The following PRKX variants were observed in gnomAD, a reference collection of about 807,000 sequenced individuals.
PRKX encodes the protein cAMP-dependent protein kinase catalytic subunit PRKX.
Under a neutral mutation model 22.0 loss-of-function variants are expected in PRKX, and 12 were observed. The observed-to-expected ratio is 0.54, with a 90% confidence interval of 0.35 to 0.88. The LOEUF is 0.88. Ranked by LOEUF, PRKX falls within the 40% of genes least tolerant of loss-of-function variation. The pLI is 0.01. For missense variants in PRKX, 217 were observed against 308.0 expected, an observed-to-expected ratio of 0.70 and a Z score of 2.21; for synonymous variants, 134 against 137.7, an observed-to-expected ratio of 0.97 and a Z score of 0.19.
chrX:3,708,227 A>C (rs1301695207), intron 1 of PRKX, among the ~76,000 whole-genome samples: 2 of 111,414 alleles, frequency 1.8e-5, no homozygotes, highest in African/African-American at 3.3e-5. Flanking sequence ...GGCACCATCT[A>C]TGAACCAGGA....
At chrX:3,688,651 C>T (rs1160553882) in intron 1 of PRKX, among the ~76,000 whole-genome samples, 1 of 110,151 alleles carries the variant, frequency 9.1e-6, no homozygotes, top group African/African-American at 3.3e-5. Context: ...TCACTTGAGC[C>T]CAGGAGATCG....
intron 4 of PRKX, among the ~76,000 whole-genome samples, chrX:3,637,141 G>A (rs1926908170): frequency 9.3e-6 from 1 of 107,803 alleles, no homozygotes; most frequent in African/African-American, 3.4e-5. Context: ...GGAAGGAAAG[G>A]AAAGGGAAAA....
At chrX:3,646,641 G>A (rs948487262) in intron 3 of PRKX, among the ~76,000 whole-genome samples, 6 of 111,519 alleles carry the variant, frequency 5.4e-5, no homozygotes, top group African/African-American at 1.6e-4. Context: ...ATAGGATCTT[G>A]GGTTGCAATA....
At chrX:3,669,316 CTCCA>C (rs55930956) in intron 2 of PRKX, among the ~76,000 whole-genome samples, 45,438 of 102,495 alleles carry the variant, frequency 0.44, 8,349 homozygotes, top group African/African-American at 0.6. Flanking sequence ...CAATGTTGAT[CTCCA>C]TCCATCCATC....
chrX:3,645,671 G>A (rs188511152), intron 3 of PRKX, among the ~76,000 whole-genome samples: 1 of 112,728 alleles, frequency 8.9e-6, no homozygotes, highest in Non-Finnish European at 1.9e-5. Context: ...AGTGGCTCAT[G>A]CCTATAATCT....
chrX:3,690,300 C>A (rs144235942), intron 1 of PRKX, among the ~76,000 whole-genome samples: 1 of 112,084 alleles, frequency 8.9e-6, no homozygotes, highest in African/African-American at 3.2e-5. Context: ...CTGGTCTAGA[C>A]AGTTGGAAAC....
Position 3,653,103 on chromosome X carries a change from G to A in PRKX, c.599+2046C>T, listed in dbSNP as rs755709283. 4.5e-5 allele frequency among the ~76,000 whole-genome samples: 5 copies of A among 111,355 alleles called. No individual in the cohort carries two copies. In the South Asian group the frequency reaches 1.5e-3, roughly 34 times the overall value. ...TACATGTATTATAAGCTGAATGTAT[G>A]TGCCCCCCGCCAAAATTCCTATGTT... On this transcript the variant is annotated intron_variant, in intron 3 of 8. Coordinates refer to ENST00000262848, the MANE Select transcript of PRKX (RefSeq NM_005044.5).
intron 4 of PRKX, among the ~76,000 whole-genome samples, chrX:3,633,092 C>T (rs1569044445): frequency 9.1e-6 from 1 of 109,892 alleles, no homozygotes; most frequent in African/African-American, 3.3e-5. Flanking sequence ...CTGGTGTGTG[C>T]CTGTGTTCCC....
intron 3 of PRKX, among the ~76,000 whole-genome samples, chrX:3,650,739 T>G (rs1603474038): frequency 9.5e-6 from 1 of 105,387 alleles, no homozygotes; most frequent in African/African-American, 3.5e-5. Flanking sequence ...ATTAGCCAGG[T>G]GTGGTGGTAC....
chrX:3,684,991 ATT>A (rs1928147484), intron 1 of PRKX, among the ~76,000 whole-genome samples: 1 of 110,565 alleles, frequency 9.0e-6, no homozygotes, highest in Non-Finnish European at 1.9e-5. Flanking sequence ...TAATTTTTGT[ATT>A]TTTAGTAGAG....
chrX:3,610,770 G>T (rs940684059), intron 8 of PRKX, among the ~76,000 whole-genome samples: 1 of 110,911 alleles, frequency 9.0e-6, no homozygotes, highest in Non-Finnish European at 1.9e-5. Flanking sequence ...TTAGAGAAAG[G>T]TTCTATTTTT....
intron 7 of PRKX, among the ~76,000 whole-genome samples, chrX:3,615,011 ATTTTTTTTTT>A (rs761643511): frequency 1.7e-5 from 1 of 59,760 alleles, no homozygotes; most frequent in Non-Finnish European, 2.8e-5. Context: ...AAAATGCCAG[ATTTTTTTTTT>A]TTTTTTTTTT....
intron 1 of PRKX, among the ~76,000 whole-genome samples, chrX:3,705,912 G>C (rs1476356778): frequency 1.9e-5 from 2 of 104,401 alleles, no homozygotes; most frequent in African/African-American, 7.0e-5. Flanking sequence ...GGATGGTCTC[G>C]ATCTCCTGAC....
intron 1 of PRKX, among the ~76,000 whole-genome samples, chrX:3,704,276 T>C (rs1928638858): frequency 8.9e-6 from 1 of 112,343 alleles, no homozygotes; most frequent in Admixed American, 9.5e-5. Flanking sequence ...TTCATCCACA[T>C]GCCCAGGTTT....
intron 1 of PRKX, among the ~76,000 whole-genome samples, chrX:3,711,279 T>A (rs1429529934): frequency 9.1e-6 from 1 of 109,743 alleles, no homozygotes; most frequent in Non-Finnish European, 1.9e-5. Flanking sequence ...AGGAGCATCA[T>A]CCTCATCCTC....
chrX:3,622,603 T>C (rs758418138), intron 5 of PRKX, among the ~76,000 whole-genome samples: 4 of 111,154 alleles, frequency 3.6e-5, no homozygotes, highest in Admixed American at 1.9e-4. Flanking sequence ...TACAGTTTCC[T>C]GCCACCATGC....
chrX:3,607,774 C>A lies in PRKX; in HGVS notation c.*1195G>T, dbSNP rs1448550752. 1.8e-5 allele frequency: 2 copies of A among 110,245 alleles called. No individual in the cohort carries two copies. Among genetic ancestry groups the A allele is most frequent in the East Asian group, 5.7e-4 (2 of 3,530 alleles). 9.1% of individuals were successfully genotyped at this position (110,245 alleles called of 1,213,427 possible). A position where few individuals can be genotyped will look rare whatever the true frequency, so the allele number is the denominator to read the frequency against. On this transcript the variant is annotated 3_prime_UTR_variant, in exon 9 of 9. Transcript: ENST00000262848. The stretch of plus-strand genomic sequence containing the variant: ...TTCCTGCCTCAGCTTCCCAAAGTCC[C>A]AGGGTTACAGGAGTGCACCACCGCA...
At chrX:3,669,228 T>C (rs751793900) in intron 2 of PRKX, among the ~76,000 whole-genome samples, 1 of 112,498 alleles carries the variant, frequency 8.9e-6, no homozygotes, top group South Asian at 3.7e-4. Context: ...TATCAATCAC[T>C]TATCTAATAT....
rs138870214 is a variant in PRKX at position 3,655,720 on chromosome X, C to G, written c.336-308G>C. Among the ~76,000 whole-genome samples, 264 of 111,669 alleles carry G rather than the reference C, an allele frequency of 2.4e-3. 3 individuals carry two copies. Among genetic ancestry groups the G allele is most frequent in the African/African-American group, 8.1e-3 (248 of 30,707 alleles). On this transcript the variant is annotated intron_variant, in intron 2 of 8. Coordinates refer to ENST00000262848, the MANE Select transcript of PRKX (RefSeq NM_005044.5). ...TGATACATGGGTGTAAACAGTGTTACCATATGGTATTAAATATGGATATAG... is the reference window on the plus strand; with the variant it reads ...TGATACATGGGTGTAAACAGTGTTAGCATATGGTATTAAATATGGATATAG...
Sources: gnomAD v4.1 joint callset for allele counts (sites outside exome capture counted in the v4.1 genomes callset) on GRCh38, gnomAD v4.1.1 for gene constraint, MANE v1.5 for transcripts, NCBI Gene and HGNC (gene_info 2026-07-23, HGNC 2026-07-21) for gene names.